The following KCNH5 variants were observed in gnomAD, a reference collection of about 807,000 sequenced individuals.
KCNH5 encodes potassium voltage-gated channel subfamily H member 5.
Under a neutral mutation model 96.1 loss-of-function variants are expected in KCNH5, and 46 were observed. The ratio of observed to expected loss-of-function variants is 0.48; its 90% CI spans 0.38 to 0.61. KCNH5 has a LOEUF of 0.61. KCNH5 is among the 20% of genes least tolerant of loss of function. The pLI is 0.00. For synonymous variants in KCNH5, 439 were observed against 449.8 expected, an observed-to-expected ratio of 0.98 and a Z score of 0.30; for missense variants, 907 against 1,225.8, an observed-to-expected ratio of 0.74 and a Z score of 3.88.
At chr14:62,973,458 T>C (rs1890446707) in intron 6 of KCNH5, among the ~76,000 whole-genome samples, 1 of 152,198 alleles carries the variant, frequency 6.6e-6, no homozygotes, top group African/African-American at 2.4e-5. Context: ...CATGGATTAA[T>C]GCTGCTATAA....
chr14:63,024,801 G>C (rs1891495403), intron 1 of KCNH5, among the ~76,000 whole-genome samples: 1 of 152,028 alleles, frequency 6.6e-6, no homozygotes, highest in Non-Finnish European at 1.5e-5. Context: ...GAAAAGCCCA[G>C]AACCTGATAC....
At chr14:62,748,883 T>C (rs1258486399) in intron 10 of KCNH5, among the ~76,000 whole-genome samples, 1 of 152,102 alleles carries the variant, frequency 6.6e-6, no homozygotes. Context: ...GTAAAATAAG[T>C]AAAATCATTC....
Position 62,707,548 on chromosome 14 carries a change from G to A in KCNH5, c.2927C>T (p.Pro976Leu), listed in dbSNP as rs2139898259. The part of the protein sequence containing the change: ...PCQDIFSVSR[P>L]ESPESDKDEI... ...ATCTTTGTCAGATTCAGGTGATTCA[G>A]GCCTTGAGACACTAAAAATATCCTG... The change falls in exon 11 of 11, where the codon CCT (proline) becomes CTT (leucine). Residue 976 changes from proline (P) to leucine (L), a missense_variant. Transcript: ENST00000322893. 2.7e-6 allele frequency: 4 copies of A among 1,495,936 alleles called. No homozygotes were observed. The South Asian group carries it at 5.9e-5, about 22-fold the overall frequency. 92.7% of individuals were successfully genotyped at this position (1,495,936 alleles called of 1,614,324 possible).
Position 62,802,485 on chromosome 14 carries a change from C to T in KCNH5, c.1666G>A (p.Asp556Asn), listed in dbSNP as rs150842380. 7.4e-6 allele frequency: 12 copies of T among 1,613,998 alleles called. No individual in the cohort carries two copies. Among genetic ancestry groups the T allele is most frequent in the African/African-American group, 6.7e-5 (5 of 74,912 alleles). The change falls in exon 9 of 11, where the codon GAT becomes AAT. Residue 556 changes from aspartate (D) to asparagine (N), a missense_variant. Physicochemically the swap from Asp to Asn is conservative, Grantham distance 23 (BLOSUM62 1). Around this residue, in one of 6 missense-constraint regions of KCNH5, gnomAD observed 95 missense variants for 111.8 expected, o/e 0.85. Coordinates refer to ENST00000322893, the MANE Select transcript of KCNH5 (RefSeq NM_139318.5). ...NEHPAFRLAS[D>N]GCLRALAVEF... ...ACCGCCAAGGCGCGCAGACACCCAT[C>T]GCTGGCCAATCGAAAAGCAGGATGT...
At chr14:62,941,391 T>A (rs1889787030) in intron 7 of KCNH5, among the ~76,000 whole-genome samples, 1 of 152,100 alleles carries the variant, frequency 6.6e-6, no homozygotes, top group South Asian at 2.1e-4. Context: ...AAAGTGTACA[T>A]CACACAGTCT....
chr14:62,795,145 G>A (rs969454810), intron 9 of KCNH5, among the ~76,000 whole-genome samples: 1 of 151,996 alleles, frequency 6.6e-6, no homozygotes, highest in East Asian at 1.9e-4. Context: ...CTAAAGTTAT[G>A]GGCTTTTGAG....
intron 10 of KCNH5, among the ~76,000 whole-genome samples, chr14:62,774,174 C>T (rs141610924): frequency 6.6e-4 from 101 of 152,258 alleles, no homozygotes; most frequent in Non-Finnish European, 1.1e-3. Flanking sequence ...TGACAACACA[C>T]GAGAAATGCT....
chr14:63,016,211 T>C (rs1891324037), intron 2 of KCNH5, among the ~76,000 whole-genome samples: 1 of 151,954 alleles, frequency 6.6e-6, no homozygotes, highest in Non-Finnish European at 1.5e-5. Flanking sequence ...TCTAAATTAG[T>C]TCCTTATATA....
chr14:62,858,851 C>A (rs1887979619), intron 7 of KCNH5, among the ~76,000 whole-genome samples: 1 of 152,176 alleles, frequency 6.6e-6, no homozygotes, highest in Non-Finnish European at 1.5e-5. Flanking sequence ...AAAGTATTAT[C>A]ACCTAATTGG....
rs757688048 is a variant in KCNH5, at chr14:62,707,771, G to C, written c.2704C>G (p.Pro902Ala). ...ADAKHPFYPI[P>A]EQALQTTLQE... ...AGTGTGGTCTGTAAGGCCTGCTCGG[G>C]GATGGGATAAAAGGGGTGCTTGGCA... The change falls in exon 11 of 11, where the codon CCC becomes GCC. Residue 902 changes from proline (P) to alanine (A), a missense_variant. By Grantham distance (27) the Pro-to-Ala change is conservative. Coordinates refer to ENST00000322893, the MANE Select transcript of KCNH5 (RefSeq NM_139318.5). The C allele has an allele frequency of 1.2e-6, 2 of 1,614,132 alleles. No individual in the cohort carries two copies. The highest frequency in any genetic ancestry group is 1.7e-6 in the Non-Finnish European group (2 of 1,180,026).
chr14:62,926,665 T>C (rs192212546), intron 7 of KCNH5, among the ~76,000 whole-genome samples: 65 of 152,206 alleles, frequency 4.3e-4, no homozygotes, highest in African/African-American at 1.4e-3. Flanking sequence ...TGTGTCTTCA[T>C]ATGGTGGAAG....
At chr14:62,745,939 G>A (rs1349748494) in intron 10 of KCNH5, among the ~76,000 whole-genome samples, 1 of 152,124 alleles carries the variant, frequency 6.6e-6, no homozygotes, top group Non-Finnish European at 1.5e-5. Flanking sequence ...GACCCTTCAA[G>A]CCCTACAGCT....
chr14:62,727,394 A>T (rs1884951854), intron 10 of KCNH5, among the ~76,000 whole-genome samples: 1 of 152,074 alleles, frequency 6.6e-6, no homozygotes, highest in Admixed American at 6.6e-5. Context: ...GAGTAGGTAA[A>T]GCTTGCATAG....
At chr14:62,892,157 C>G (rs1888723306) in intron 7 of KCNH5, among the ~76,000 whole-genome samples, 1 of 152,126 alleles carries the variant, frequency 6.6e-6, no homozygotes, top group Non-Finnish European at 1.5e-5. Context: ...AAAAATAAGC[C>G]AAGTTGTGAA....
chr14:62,854,160 C>T (rs1374040124), intron 7 of KCNH5, among the ~76,000 whole-genome samples: 1 of 151,952 alleles, frequency 6.6e-6, no homozygotes, highest in African/African-American at 2.4e-5. Context: ...ACTTACATTA[C>T]TTATTTATTT....
At chr14:62,812,975 C>A (rs1886902799) in intron 8 of KCNH5, among the ~76,000 whole-genome samples, 1 of 152,082 alleles carries the variant, frequency 6.6e-6, no homozygotes, top group African/African-American at 2.4e-5. Flanking sequence ...TTAACCATTA[C>A]ATTATAATTG....
intron 10 of KCNH5, among the ~76,000 whole-genome samples, chr14:62,715,802 A>G (rs1884672773): frequency 6.6e-6 from 1 of 151,754 alleles, no homozygotes. Context: ...ATGGGTAGAG[A>G]GGAAAAAGAG....
At chr14:62,724,058 C>A in intron 10 of KCNH5, among the ~76,000 whole-genome samples, 1 of 152,306 alleles carries the variant, frequency 6.6e-6, no homozygotes, top group Non-Finnish European at 1.5e-5. Context: ...TTGTTCAATA[C>A]ATTTAGATAA....
chr14:62,732,753 A>G (rs1885077199), intron 10 of KCNH5, among the ~76,000 whole-genome samples: 1 of 152,152 alleles, frequency 6.6e-6, no homozygotes, highest in South Asian at 2.1e-4. Context: ...TAGAAAGGAA[A>G]GTGAAGACCA....
Sources: allele counts gnomAD v4.1 joint callset (sites outside exome capture counted in the v4.1 genomes callset), GRCh38; gene constraint gnomAD v4.1.1; regional missense constraint gnomAD v4.1.1; transcripts MANE v1.5; gene names NCBI Gene and HGNC (gene_info 2026-07-23, HGNC 2026-07-21).